The following ZPBP variants were observed in gnomAD, a reference collection of about 807,000 sequenced individuals.
ZPBP encodes the protein zona pellucida-binding protein 1.
A neutral mutation model predicts 44.8 loss-of-function variants in ZPBP; 26 were observed. That is an observed-to-expected ratio of 0.58 (90% CI 0.43 to 0.81). The LOEUF (loss-of-function observed/expected upper bound fraction) is 0.81, where lower values mean the gene tolerates loss of function less well. Ranked by LOEUF, ZPBP falls within the 30% of genes least tolerant of loss-of-function variation. The pLI, the probability that ZPBP is intolerant of heterozygous loss-of-function variation, is 0.00. For missense variants in ZPBP, 409 were observed against 434.0 expected (o/e 0.94, Z 0.51); for synonymous variants, 174 against 153.2 (o/e 1.14, Z -1.00).
intron 3 of ZPBP, among the ~76,000 whole-genome samples, chr7:50,062,892 A>G: frequency 6.6e-6 from 1 of 151,060 alleles, no homozygotes; most frequent in African/African-American, 2.4e-5. Flanking sequence ...GATGGGGTTC[A>G]GGAGGATATT....
At chr7:49,898,033 A>G (rs752092238) in intron 2 of ZPBP, among the ~76,000 whole-genome samples, 15 of 152,106 alleles carry the variant, frequency 9.9e-5, no homozygotes, top group Non-Finnish European at 1.5e-4. Flanking sequence ...ATCAGAGCCT[A>G]ACTGATCTGG....
At position 49,937,515 on chromosome 7, in the gene ZPBP, T is replaced by G; in HGVS notation, c.*13A>C. Reference sequence around the variant, plus strand: ...TGCATTTAATAAACCACTGAATAACTGAAGATAATGGCTTATAAGCACGTT... The same window carrying G: ...TGCATTTAATAAACCACTGAATAACGGAAGATAATGGCTTATAAGCACGTT... On this transcript the variant is annotated 3_prime_UTR_variant, in exon 8 of 8. Transcript: ENST00000046087. The G allele has an allele frequency of 3.1e-6, 5 of 1,591,560 alleles. No homozygotes were observed. Among genetic ancestry groups the G allele is most frequent in the Non-Finnish European group, 4.3e-6 (5 of 1,159,568 alleles).
intron 7 of ZPBP, among the ~76,000 whole-genome samples, chr7:49,976,194 AT>A (rs1323775294): frequency 1.3e-5 from 2 of 152,124 alleles, no homozygotes; most frequent in Non-Finnish European, 2.9e-5. Context: ...AGCATTATAT[AT>A]TTTTGCGTAG....
intron 3 of ZPBP, among the ~76,000 whole-genome samples, chr7:50,073,095 G>A (rs1347596684): frequency 1.3e-5 from 2 of 152,120 alleles, no homozygotes; most frequent in Non-Finnish European, 2.9e-5. Flanking sequence ...TGGAAAAACA[G>A]AGATATGTGA....
At chr7:49,990,343 C>T (rs138756248) in intron 6 of ZPBP, among the ~76,000 whole-genome samples, 4 of 152,298 alleles carry the variant, frequency 2.6e-5, no homozygotes, top group African/African-American at 9.6e-5. Context: ...GTGAAAGCCG[C>T]TTTGACACCC....
intron 6 of ZPBP, among the ~76,000 whole-genome samples, chr7:49,993,022 G>A (rs1251630634): frequency 6.6e-6 from 1 of 152,048 alleles, no homozygotes; most frequent in Non-Finnish European, 1.5e-5. Flanking sequence ...AGGTTCTTAA[G>A]GCCTTGTATA....
chr7:49,927,458 C>T (rs1271024415), intron 1 of ZPBP, among the ~76,000 whole-genome samples: 1 of 152,144 alleles, frequency 6.6e-6, no homozygotes, highest in African/African-American at 2.4e-5. Flanking sequence ...AATTCTGAGA[C>T]CCATGAATCT....
chr7:49,915,664 G>T (rs1319108285), intron 1 of ZPBP: 12 of 151,866 alleles, frequency 7.9e-5, no homozygotes, highest in Admixed American at 7.9e-4. Context: ...TTTTAAATGT[G>T]GACTATTTAA....
Position 49,911,912 on chromosome 7 carries a change from A to AATACACGCACAC in ZPBP, n.412-10698_412-10697insGTGTGCGTGTAT, listed in dbSNP as rs1487250052. 3 of 379,750 alleles carry AATACACGCACAC rather than the reference A, an allele frequency of 7.9e-6. No homozygotes were observed. The African/African-American group carries it at 1.4e-4, about 18-fold the overall frequency. The allele number at this position is 379,750 out of a possible 1,614,324, so 23.5% of individuals were successfully genotyped here. A position where few individuals can be genotyped will look rare whatever the true frequency, so the allele number is the denominator to read the frequency against. Reference sequence around the variant, plus strand: ...ACTCTGTCTCAAAAACAAACAAACAAACAAATACACGCACACACACACACA... The same window carrying AATACACGCACAC: ...ACTCTGTCTCAAAAACAAACAAACAAATACACGCACACACAAATACACGCACACACACACACA... On this transcript the variant is annotated intron_variant and non_coding_transcript_variant, in intron 1 of 2. Coordinates refer to the ZPBP transcript ENST00000465922.
intron 1 of ZPBP, among the ~76,000 whole-genome samples, chr7:49,924,439 A>G (rs1351020667): frequency 1.3e-5 from 2 of 152,222 alleles, no homozygotes; most frequent in Non-Finnish European, 2.9e-5. Context: ...AAGCATTGAC[A>G]TCACATGAAT....
chr7:50,056,746 G>C (rs565043252), intron 4 of ZPBP, among the ~76,000 whole-genome samples: 1 of 152,086 alleles, frequency 6.6e-6, no homozygotes, highest in Admixed American at 6.6e-5. Flanking sequence ...CATGCATTTC[G>C]AGGAAATCAC....
chr7:49,980,700 G>A (rs1454842417), intron 7 of ZPBP, among the ~76,000 whole-genome samples: 1 of 151,946 alleles, frequency 6.6e-6, no homozygotes, highest in Non-Finnish European at 1.5e-5. Flanking sequence ...GTCACCCCGA[G>A]GGAGAATATT....
At position 50,093,160 on chromosome 7, in the gene ZPBP, C is replaced by T. The variant is rs1463428870; in HGVS notation, c.35G>A (p.Gly12Asp). The T allele has an allele frequency of 1.3e-6, 2 of 1,540,448 alleles. No individual in the cohort carries two copies. Among genetic ancestry groups the T allele is most frequent in the African/African-American group, 1.4e-5 (1 of 71,762 alleles). The change falls in exon 1 of 8, where the codon GGC becomes GAC. Residue 12 changes from glycine to aspartate, a missense_variant. Physicochemically the swap from Gly to Asp is moderately conservative, Grantham distance 94. Around this residue, in one of 2 missense-constraint regions of ZPBP, gnomAD observed 367 missense variants for 363.1 expected, o/e 1.01. Transcript: ENST00000046087. ...EAFALGPARRGRRRTRAAGSL... is the reference protein window; with the variant it reads ...EAFALGPARRDRRRTRAAGSL... Reference sequence around the variant, plus strand: ...GCCGGCGGCCCGGGTCCGCCGCCTGCCCCGCCGCGCTGGGCCAAGGGCGAA... The same window carrying T: ...GCCGGCGGCCCGGGTCCGCCGCCTGTCCCGCCGCGCTGGGCCAAGGGCGAA...
chr7:50,001,566 C>G (rs903619965), intron 6 of ZPBP, among the ~76,000 whole-genome samples: 4 of 152,102 alleles, frequency 2.6e-5, no homozygotes, highest in African/African-American at 4.8e-5. Context: ...GTAACAGGGA[C>G]AGCCACTTGA....
intron 6 of ZPBP, among the ~76,000 whole-genome samples, chr7:50,007,160 T>C (rs1798348404): frequency 6.6e-6 from 1 of 152,100 alleles, no homozygotes; most frequent in Admixed American, 6.6e-5. Context: ...ACCTTGAGCT[T>C]GGCATTTCTA....
At chr7:50,048,898 G>T (rs1007652065) in intron 4 of ZPBP, among the ~76,000 whole-genome samples, 3 of 151,834 alleles carry the variant, frequency 2.0e-5, no homozygotes, top group Non-Finnish European at 2.9e-5. Context: ...ACCAAGACCA[G>T]TTTTTTAAGA....
At chr7:49,900,730 T>C (rs1357472351) in intron 2 of ZPBP, among the ~76,000 whole-genome samples, 1 of 151,704 alleles carries the variant, frequency 6.6e-6, no homozygotes, top group Non-Finnish European at 1.5e-5. Flanking sequence ...TACCAAACAT[T>C]TAAGGAAGAA....
chr7:49,867,938 AT>A (rs1320515225), intron 2 of ZPBP, among the ~76,000 whole-genome samples: 42 of 152,090 alleles, frequency 2.8e-4, no homozygotes, highest in African/African-American at 9.9e-4. Flanking sequence ...AGTTCAAGCA[AT>A]TCTCCTGTCT....
chr7:50,033,015 C>G (rs962939528), intron 4 of ZPBP, among the ~76,000 whole-genome samples: 1 of 151,928 alleles, frequency 6.6e-6, no homozygotes, highest in African/African-American at 2.4e-5. Context: ...TTATGTGGGA[C>G]TGAACTGATG....
Sources: gnomAD v4.1 joint callset for allele counts (sites outside exome capture counted in the v4.1 genomes callset) on GRCh38, gnomAD v4.1.1 for gene constraint, gnomAD v4.1.1 regional missense constraint, MANE v1.5 for transcripts, NCBI Gene and HGNC (gene_info 2026-07-23, HGNC 2026-07-21) for gene names.